SEMA5A: variants seen among roughly 807,000 people sequenced by gnomAD.
The protein encoded by SEMA5A is semaphorin-5A.
In SEMA5A, 55 loss-of-function variants were observed where a neutral mutation model predicts 135.5. That is an observed-to-expected ratio of 0.41 (90% CI 0.33 to 0.51). SEMA5A has a LOEUF of 0.51. SEMA5A is among the 20% of genes least tolerant of loss of function. The pLI, the probability that SEMA5A is intolerant of heterozygous loss-of-function variation, is 0.37. For missense variants in SEMA5A, 1,290 were observed against 1,419.9 expected (o/e 0.91, Z 1.47); for synonymous variants, 580 against 546.5 (o/e 1.06, Z -0.85).
chr5:9,433,454 T>G (rs1757924969), intron 2 of SEMA5A, among the ~76,000 whole-genome samples: 1 of 152,000 alleles, frequency 6.6e-6, no homozygotes, highest in Admixed American at 6.6e-5. Context: ...GTGACAATAA[T>G]GAGTTAATAT....
chr5:9,513,948 A>T (rs746435705), intron 1 of SEMA5A, among the ~76,000 whole-genome samples: 3 of 152,172 alleles, frequency 2.0e-5, no homozygotes, highest in Non-Finnish European at 2.9e-5. Context: ...AAAACAACTC[A>T]TATTTATTCT....
At chr5:9,075,736 C>T (rs1188286030) in intron 16 of SEMA5A, among the ~76,000 whole-genome samples, 4 of 152,104 alleles carry the variant, frequency 2.6e-5, no homozygotes, top group Non-Finnish European at 5.9e-5. Flanking sequence ...TGTTCACTAC[C>T]TTTATTGTGT....
intron 2 of SEMA5A, among the ~76,000 whole-genome samples, chr5:9,409,019 A>C (rs1490533657): frequency 6.6e-6 from 1 of 152,156 alleles, no homozygotes; most frequent in East Asian, 1.9e-4. Context: ...TTTTTCACAG[A>C]CATGGAAACT....
At chr5:9,205,113 CA>C (rs1312678914) in intron 8 of SEMA5A, among the ~76,000 whole-genome samples, 1 of 152,040 alleles carries the variant, frequency 6.6e-6, no homozygotes, top group Non-Finnish European at 1.5e-5. Flanking sequence ...AAAAAGAAAA[CA>C]ATCAAAAGCT....
At chr5:9,171,648 C>A (rs1356195110) in intron 11 of SEMA5A, among the ~76,000 whole-genome samples, 2 of 152,116 alleles carry the variant, frequency 1.3e-5, no homozygotes, top group African/African-American at 4.8e-5. Context: ...TCTTATTGGG[C>A]AGCAGGAAAA....
chr5:9,459,354 T>C (rs990748764), intron 1 of SEMA5A, among the ~76,000 whole-genome samples: 1 of 152,204 alleles, frequency 6.6e-6, no homozygotes, highest in African/African-American at 2.4e-5. Flanking sequence ...TATATAAAAT[T>C]GCAGCACCCA....
chr5:9,293,415 C>A (rs1246077373), intron 5 of SEMA5A, among the ~76,000 whole-genome samples: 2 of 152,198 alleles, frequency 1.3e-5, no homozygotes, highest in African/African-American at 4.8e-5. Flanking sequence ...GAAAAATAAA[C>A]TTCCCTTTGT....
intron 2 of SEMA5A, among the ~76,000 whole-genome samples, chr5:9,388,875 G>A (rs1227414643): frequency 1.3e-5 from 2 of 149,054 alleles, no homozygotes; most frequent in South Asian, 4.2e-4. Context: ...CTCCAGCCTG[G>A]GTGACACAGC....
At chr5:9,360,095 T>C (rs964316606) in intron 3 of SEMA5A, among the ~76,000 whole-genome samples, 1 of 152,250 alleles carries the variant, frequency 6.6e-6, no homozygotes, top group Non-Finnish European at 1.5e-5. Flanking sequence ...GAATCTCTTG[T>C]GTTGTTCAAT....
intron 5 of SEMA5A, among the ~76,000 whole-genome samples, chr5:9,290,767 TTAAA>T (rs1172063737): frequency 6.6e-6 from 1 of 152,184 alleles, no homozygotes; most frequent in Non-Finnish European, 1.5e-5. Flanking sequence ...TGACAGCTCT[TTAAA>T]TATGTTGCCA....
At chr5:9,428,059 T>C (rs1757721748) in intron 2 of SEMA5A, among the ~76,000 whole-genome samples, 1 of 148,970 alleles carries the variant, frequency 6.7e-6, no homozygotes, top group African/African-American at 2.5e-5. Flanking sequence ...ATATATTACA[T>C]ATATGTGTGT....
At chr5:9,246,858 C>G (rs533316251) in intron 5 of SEMA5A, among the ~76,000 whole-genome samples, 1 of 152,266 alleles carries the variant, frequency 6.6e-6, no homozygotes, top group Admixed American at 6.5e-5. Context: ...GTGGCTTTGA[C>G]CAAATCTTTC....
chr5:9,197,200 G>T lies in SEMA5A; in HGVS notation c.1036C>A (p.Leu346Ile). The T allele has an allele frequency of 6.2e-7, 1 of 1,614,248 alleles. No individual in the cohort carries two copies. The highest frequency in any genetic ancestry group is 8.5e-7 in the Non-Finnish European group (1 of 1,180,044). The change falls in exon 10 of 23, where the codon CTA becomes ATA. Residue 346 changes from leucine to isoleucine, a missense_variant. Leu to Ile is a conservative substitution (Grantham distance 5). Coordinates refer to ENST00000382496, the MANE Select transcript of SEMA5A (RefSeq NM_003966.3). ...TGGGGGTTTGGGTTGGGATACGGTA[G>T]CCAGGCCGAGCGCGAGTTTTCTTGG... ...KYQENSRSAW[L>I]PYPNPNPHFQ...
intron 11 of SEMA5A, among the ~76,000 whole-genome samples, chr5:9,187,442 A>T (rs951508486): frequency 6.6e-6 from 1 of 152,144 alleles, no homozygotes; most frequent in Non-Finnish European, 1.5e-5. Flanking sequence ...CTGCTTTTGT[A>T]CCTGCCCTGG....
intron 4 of SEMA5A, among the ~76,000 whole-genome samples, chr5:9,335,267 T>C (rs1753336024): frequency 1.3e-5 from 2 of 152,092 alleles, no homozygotes; most frequent in South Asian, 2.1e-4. Flanking sequence ...CCACTGACAC[T>C]GGAATAGAGA....
chr5:9,258,783 T>C (rs1749225439), intron 5 of SEMA5A, among the ~76,000 whole-genome samples: 1 of 150,860 alleles, frequency 6.6e-6, no homozygotes, highest in South Asian at 2.1e-4. Flanking sequence ...CCACTATTAT[T>C]TGTCTTTTCT....
At chr5:9,316,124 T>C (rs1752379183) in intron 5 of SEMA5A, among the ~76,000 whole-genome samples, 1 of 152,334 alleles carries the variant, frequency 6.6e-6, no homozygotes. Context: ...TGTGTTATAA[T>C]CTACCTCTGG....
At chr5:9,238,238 G>A (rs375711210) in intron 5 of SEMA5A, among the ~76,000 whole-genome samples, 2 of 152,014 alleles carry the variant, frequency 1.3e-5, no homozygotes, top group Non-Finnish European at 2.9e-5. Flanking sequence ...ACCCAGACGA[G>A]GCTTAAGGGA....
In SEMA5A at chr5:9,207,880, GATAGATAGATAGATAGATACATAGATA is replaced by G. The variant is rs1561022550; in HGVS notation, c.647-5667_647-5641del. Among the ~76,000 whole-genome samples, 204 of 45,922 alleles carry G rather than the reference GATAGATAGATAGATAGATACATAGATA, an allele frequency of 4.4e-3. 2 individuals carry two copies. Among genetic ancestry groups the G allele is most frequent in the African/African-American group, 0.012 (168 of 13,958 alleles). 30.1% of individuals were successfully genotyped at this position (45,922 alleles called of 152,430 possible). A position where few individuals can be genotyped will look rare whatever the true frequency, so the allele number is the denominator to read the frequency against. ...AGATAGATAGATAGATAGATAGATA[GATAGATAGATAGATAGATACATAGATA>G]GATAGATAATAGATAGATTTTAATA... On this transcript the variant is annotated intron_variant, in intron 8 of 22. Coordinates refer to ENST00000382496, the MANE Select transcript of SEMA5A (RefSeq NM_003966.3).
Sources: gnomAD v4.1 joint callset for allele counts (sites outside exome capture counted in the v4.1 genomes callset) on GRCh38, gnomAD v4.1.1 for gene constraint, MANE v1.5 for transcripts, NCBI Gene and HGNC (gene_info 2026-07-23, HGNC 2026-07-21) for gene names.